The following PHACTR3 variants were observed in gnomAD, a reference collection of about 807,000 sequenced individuals.
The protein encoded by PHACTR3 is phosphatase and actin regulator 3.
Under a neutral mutation model 66.8 loss-of-function variants are expected in PHACTR3, and 16 were observed. The ratio of observed to expected loss-of-function variants is 0.24; its 90% CI spans 0.16 to 0.36. The LOEUF (loss-of-function observed/expected upper bound fraction) is 0.36, where lower values mean the gene tolerates loss of function less well. Among genes scored for constraint, PHACTR3 ranks in the 10% least tolerant of loss-of-function variants. PHACTR3 has a pLI of 1.00. For missense variants in PHACTR3, 647 were observed against 719.9 expected, an observed-to-expected ratio of 0.90 and a Z score of 1.16; for synonymous variants, 323 against 292.1, an observed-to-expected ratio of 1.11 and a Z score of -1.08.
intron 7 of PHACTR3, among the ~76,000 whole-genome samples, chr20:59,780,560 C>CT (rs906620052): frequency 1.3e-5 from 2 of 152,136 alleles, no homozygotes; most frequent in African/African-American, 4.8e-5. Flanking sequence ...ACCTAATGAT[C>CT]TAATCACCTT....
intron 1 of PHACTR3, among the ~76,000 whole-genome samples, chr20:59,720,363 A>G (rs1223247549): frequency 6.6e-6 from 1 of 151,974 alleles, no homozygotes; most frequent in Admixed American, 6.6e-5. Flanking sequence ...GGCGTGGGAA[A>G]CTCAGACAGG....
chr20:59,751,453 C>T (rs1023619220), intron 3 of PHACTR3, among the ~76,000 whole-genome samples: 1 of 152,158 alleles, frequency 6.6e-6, no homozygotes, highest in Non-Finnish European at 1.5e-5. Flanking sequence ...TGCCCTCTGC[C>T]CTGCACACGC....
intron 3 of PHACTR3, among the ~76,000 whole-genome samples, chr20:59,754,294 G>A (rs1159580958): frequency 3.3e-5 from 5 of 152,202 alleles, no homozygotes; most frequent in Admixed American, 6.5e-5. Flanking sequence ...TTCAAGAGAC[G>A]GAAAGCACCA....
chr20:59,582,896 A>C (rs2032903197), intron 1 of PHACTR3, among the ~76,000 whole-genome samples: 1 of 151,646 alleles, frequency 6.6e-6, no homozygotes, highest in South Asian at 2.1e-4. Context: ...GGTTGATAGA[A>C]GCTTTTAGTT....
At chr20:59,785,151 G>T (rs1357296730) in intron 7 of PHACTR3, among the ~76,000 whole-genome samples, 1 of 152,190 alleles carries the variant, frequency 6.6e-6, no homozygotes, top group Non-Finnish European at 1.5e-5. Flanking sequence ...TGCCTGAAAC[G>T]ACAGACGTTT....
chr20:59,740,176 C>T (rs957601463), intron 1 of PHACTR3, among the ~76,000 whole-genome samples: 4 of 152,144 alleles, frequency 2.6e-5, no homozygotes, highest in Admixed American at 6.5e-5. Flanking sequence ...GTTACCTGCA[C>T]TGGCATGGTA....
chr20:59,745,569 T>C (rs2039336436), intron 2 of PHACTR3, among the ~76,000 whole-genome samples: 1 of 152,244 alleles, frequency 6.6e-6, no homozygotes, highest in African/African-American at 2.4e-5. Flanking sequence ...GCAGGGGGTG[T>C]TATTTGTTTC....
chr20:59,731,450 C>A (rs764846743), intron 1 of PHACTR3, among the ~76,000 whole-genome samples: 1 of 152,186 alleles, frequency 6.6e-6, no homozygotes, highest in Non-Finnish European at 1.5e-5. Flanking sequence ...CCAGATTCCA[C>A]CTTTCTCCTT....
At chr20:59,772,578 C>G (rs565924687) in intron 5 of PHACTR3, among the ~76,000 whole-genome samples, 1 of 152,280 alleles carries the variant, frequency 6.6e-6, no homozygotes, top group Non-Finnish European at 1.5e-5. Context: ...TGCAAAGACT[C>G]AGGTTGGACG....
chr20:59,779,036 A>G (rs2040633357), intron 7 of PHACTR3, among the ~76,000 whole-genome samples: 2 of 152,194 alleles, frequency 1.3e-5, no homozygotes, highest in African/African-American at 2.4e-5. Context: ...CCTTTCCTCC[A>G]TGGGCCTTTT....
intron 1 of PHACTR3, among the ~76,000 whole-genome samples, chr20:59,728,947 C>G (rs1167193042): frequency 2.6e-5 from 4 of 152,052 alleles, no homozygotes; most frequent in Non-Finnish European, 5.9e-5. Flanking sequence ...GCAATGAAAC[C>G]CAAGTGATAA....
At chr20:59,723,824 C>T (rs561342453) in intron 1 of PHACTR3, among the ~76,000 whole-genome samples, 4 of 152,084 alleles carry the variant, frequency 2.6e-5, no homozygotes, top group South Asian at 2.1e-4. Flanking sequence ...CATGGTGACT[C>T]GGTCCTCAAG....
At chr20:59,603,407 G>A (rs937744497), upstream of PHACTR3, 1 of 152,378 alleles carries the variant, frequency 6.6e-6, no homozygotes, top group East Asian at 1.9e-4. Flanking sequence ...CTGCTGCTAA[G>A]AGCCCAAAGC....
chr20:59,656,471 A>G (rs1183128066), intron 1 of PHACTR3, among the ~76,000 whole-genome samples: 7 of 151,878 alleles, frequency 4.6e-5, no homozygotes, highest in Non-Finnish European at 1.0e-4. Context: ...TAGCTTTTGT[A>G]TGATTGCTGT....
chr20:59,739,622 G>A lies in PHACTR3; in HGVS notation c.119-3485G>A, dbSNP rs146441024. ...TCACTCAATATCATGCGGACAGCAT[G>A]GGGGAAACCACCTCCCTGATCCAAT... is the stretch of plus-strand genomic sequence containing the variant. On this transcript the variant is annotated intron_variant, in intron 1 of 12. Coordinates refer to ENST00000371015, the MANE Select transcript of PHACTR3 (RefSeq NM_080672.5). Among the ~76,000 whole-genome samples the A allele has an allele frequency of 3.3e-3, 501 of 152,228 alleles. 5 individuals are homozygous for A. Among genetic ancestry groups the A allele is most frequent in the African/African-American group, 0.011 (454 of 41,558 alleles).
At chr20:59,667,747 TGAAAG>T (rs1206893520) in intron 1 of PHACTR3, among the ~76,000 whole-genome samples, 2 of 152,226 alleles carry the variant, frequency 1.3e-5, no homozygotes, top group Non-Finnish European at 2.9e-5. Flanking sequence ...AAGGAAGTCC[TGAAAG>T]GCTTCCTGTC....
In PHACTR3 at chr20:59,605,018, G is replaced by T; in HGVS notation, c.4G>T (p.Ala2Ser). 1 of 1,330,148 alleles carries T rather than the reference G, an allele frequency of 7.5e-7. No individual in the cohort carries two copies. The highest frequency in any genetic ancestry group is 2.2e-4 in the Middle Eastern group (1 of 4,552). 82.4% of individuals were successfully genotyped at this position (1,330,148 alleles called of 1,614,324 possible). A position where few individuals can be genotyped will look rare whatever the true frequency, so the allele number is the denominator to read the frequency against. M[A>S]ASEDGSGCLV... ...TGCCCCCGCGCCGGCCGGGCCCATG[G>T]CCGCGTCGGAGGACGGGAGCGGCTG... The change falls in exon 1 of 13, where the codon GCC becomes TCC. Residue 2 changes from alanine (A) to serine (S), a missense_variant. Ala to Ser is a moderately conservative substitution (Grantham distance 99). Transcript: ENST00000371015.
chr20:59,782,343 C>T (rs1022349691), intron 7 of PHACTR3, among the ~76,000 whole-genome samples: 6 of 152,300 alleles, frequency 3.9e-5, no homozygotes, highest in Non-Finnish European at 5.9e-5. Flanking sequence ...CCTCCACCTC[C>T]GGAGTTCAAA....
In PHACTR3 at chr20:59,640,586, A is replaced by G. The variant is rs571314854; in HGVS notation, c.118+35454A>G. ...GCACAGCCCTGCTCATTATGATGAC[A>G]TGGGCATGTGCGTGACTGTCAGCTC... is the stretch of plus-strand genomic sequence containing the variant. On this transcript the variant is annotated intron_variant, in intron 1 of 12. Coordinates refer to ENST00000371015, the MANE Select transcript of PHACTR3 (RefSeq NM_080672.5). Among the ~76,000 whole-genome samples, 4 of 152,308 alleles carry G rather than the reference A, an allele frequency of 2.6e-5. No individual in the cohort carries two copies. In the South Asian group the frequency reaches 8.3e-4, roughly 32 times the overall value.
Sources: allele counts gnomAD v4.1 joint callset (sites outside exome capture counted in the v4.1 genomes callset), GRCh38; gene constraint gnomAD v4.1.1; transcripts MANE v1.5; gene names NCBI Gene and HGNC (gene_info 2026-07-23, HGNC 2026-07-21).